Variants in POF1B observed in about 807,000 individuals in gnomAD.
POF1B encodes POF1B actin binding protein.
POF1B carries 53 observed loss-of-function variants against 55.3 expected under a neutral mutation model. The observed-to-expected ratio is 0.96, with a 90% confidence interval of 0.77 to 1.20. The LOEUF is 1.20. Ranked by LOEUF, POF1B falls within the 50% of genes most tolerant of loss-of-function variation. The pLI, the probability that POF1B is intolerant of heterozygous loss-of-function variation, is 0.00. For missense variants in POF1B, 478 were observed against 420.5 expected (o/e 1.14, Z -1.20); for synonymous variants, 188 against 148.3 (o/e 1.27, Z -1.95).
At chrX:85,379,517 A>G in intron 1 of POF1B, 22 bp from the exon 2 acceptor site, 5 of 1,131,371 alleles carry the variant, frequency 4.4e-6, no homozygotes, top group Non-Finnish European at 5.9e-6. Context: ...ACAGAGAAAT[A>G]TAATGGAAAA....
rs753547736 is a variant in POF1B, at chrX:85,331,056, A to G, written c.747T>C (p.Pro249=). The change falls in exon 7 of 17, where the codon CCT becomes CCC. Residue 249 remains proline, a synonymous_variant. Transcript: ENST00000262753. ...CEQVIIQDDG[P]EKLDPRYFGE... ...CAAAATATCTGGGGTCCAATTTTTC[A>G]GGGCCATCATCCTGAATTATCACCT... The G allele has an allele frequency of 9.1e-6, 11 of 1,204,714 alleles. No individual in the cohort carries two copies. Among genetic ancestry groups the G allele is most frequent in the Non-Finnish European group, 1.1e-5 (10 of 892,564 alleles).
At chrX:85,358,374 G>T (rs185265585) in intron 4 of POF1B, among the ~76,000 whole-genome samples, 1 of 111,205 alleles carries the variant, frequency 9.0e-6, no homozygotes, top group South Asian at 3.7e-4. Flanking sequence ...TCCTTGAGAA[G>T]AGCTGTATGC....
intron 15 of POF1B, among the ~76,000 whole-genome samples, chrX:85,287,994 G>A (rs761699629): frequency 5.1e-4 from 57 of 111,334 alleles, no homozygotes; most frequent in Admixed American, 7.7e-4. Context: ...ACTTATGTTC[G>A]GGTTTGGGAT....
chrX:85,323,073 G>T (rs1422056706), intron 7 of POF1B, among the ~76,000 whole-genome samples: 3 of 110,962 alleles, frequency 2.7e-5, no homozygotes, highest in Non-Finnish European at 5.7e-5. Flanking sequence ...AATACCACTT[G>T]ACCCAGCCAT....
At chrX:85,355,506 T>A (rs903084598) in intron 4 of POF1B, among the ~76,000 whole-genome samples, 4 of 111,334 alleles carry the variant, frequency 3.6e-5, no homozygotes, top group African/African-American at 1.3e-4. Context: ...GAAACTACCA[T>A]CAGAGTGAAA....
chrX:85,328,295 C>T (rs1407477576), intron 7 of POF1B, among the ~76,000 whole-genome samples: 3 of 108,452 alleles, frequency 2.8e-5, no homozygotes, highest in African/African-American at 1.0e-4. Flanking sequence ...AGCTCCGCCT[C>T]CCGGGTTCAC....
At chrX:85,299,908 G>A (rs1334491126) in intron 15 of POF1B, among the ~76,000 whole-genome samples, 1 of 112,637 alleles carries the variant, frequency 8.9e-6, no homozygotes, top group African/African-American at 3.2e-5. Context: ...AATTGTCATT[G>A]TTTGATTTGT....
At position 85,278,221 on chromosome X, in the gene POF1B, G is replaced by A. The variant is rs1197186724; in HGVS notation, c.*1200C>T. 1 of 110,629 alleles carries A rather than the reference G, an allele frequency of 9.0e-6. No individual in the cohort carries two copies. 9.1% of individuals were successfully genotyped at this position (110,629 alleles called of 1,213,427 possible). Reference sequence around the variant, plus strand: ...GTTCTTAATGGTGTCTTAGTATAATGCATAATTATTAGAATATAATTATAA... The same window carrying A: ...GTTCTTAATGGTGTCTTAGTATAATACATAATTATTAGAATATAATTATAA... On this transcript the variant is annotated 3_prime_UTR_variant, in exon 17 of 17. Coordinates refer to ENST00000262753, the MANE Select transcript of POF1B (RefSeq NM_024921.4).
Position 85,306,284 on chromosome X carries a change from T to G in POF1B, c.1214A>C (p.Asn405Thr), listed in dbSNP as rs1294407813. Residue 405 changes from asparagine to threonine, a missense_variant, in exon 12 of 17, where the codon AAT becomes ACT. By Grantham distance (65) the Asn-to-Thr change is moderately conservative. Coordinates refer to ENST00000262753, the MANE Select transcript of POF1B (RefSeq NM_024921.4). ...TGATAGTGTATGTCGAAGAGAGAGATTGTTTTCTTCCAATGCCTGGCATTT... is the reference window on the plus strand; with the variant it reads ...TGATAGTGTATGTCGAAGAGAGAGAGTGTTTTCTTCCAATGCCTGGCATTT... ...SSKCQALEEN[N>T]LSLRHTLSDM... 8.3e-7 allele frequency: 1 copy of G among 1,209,284 alleles called. No individual in the cohort carries two copies.
At chrX:85,369,398 TATAAACATTTATATAG>T (rs1482752132) in intron 2 of POF1B, among the ~76,000 whole-genome samples, 20 of 111,325 alleles carry the variant, frequency 1.8e-4, no homozygotes, top group Admixed American at 9.6e-5. Flanking sequence ...ACATTCTTAA[TATAAACATTTATATAG>T]ATAAGGTTAA....
At chrX:85,283,606 C>A (rs1314918364) in intron 15 of POF1B, among the ~76,000 whole-genome samples, 1 of 109,816 alleles carries the variant, frequency 9.1e-6, no homozygotes, top group Admixed American at 9.8e-5. Flanking sequence ...TAATTAAAGT[C>A]CTGCAGGATT....
At chrX:85,329,630 G>GTTT (rs757217839) in intron 7 of POF1B, among the ~76,000 whole-genome samples, 1 of 93,749 alleles carries the variant, frequency 1.1e-5, no homozygotes, top group African/African-American at 4.5e-5. Flanking sequence ...GGTGGTGGTC[G>GTTT]TTTTTTTTTT....
chrX:85,277,701 CACTT>C lies in POF1B; in HGVS notation c.*1716_*1719del, dbSNP rs1048725314. ...ATGTTTGTCTGTTTCTGGCTTATGT[CACTT>C]AATATAGTGACCTCTAGTTCCATCC... On this transcript the variant is annotated 3_prime_UTR_variant, in exon 17 of 17. Coordinates refer to ENST00000262753, the MANE Select transcript of POF1B (RefSeq NM_024921.4). 1.8e-5 allele frequency: 2 copies of C among 110,459 alleles called. No homozygotes were observed. The highest frequency in any genetic ancestry group is 6.6e-5 in the African/African-American group (2 of 30,490). The allele number at this position is 110,459 out of a possible 1,213,427, so 9.1% of individuals were successfully genotyped here.
At chrX:85,369,191 A>G (rs1027895297) in intron 2 of POF1B, among the ~76,000 whole-genome samples, 3 of 111,693 alleles carry the variant, frequency 2.7e-5, no homozygotes, top group Non-Finnish European at 3.8e-5. Flanking sequence ...TTTTCTGCTA[A>G]TAATTGAGAA....
At chrX:85,322,494 C>G (rs776406133) in intron 7 of POF1B, among the ~76,000 whole-genome samples, 160 of 111,569 alleles carry the variant, frequency 1.4e-3, no homozygotes, top group African/African-American at 4.9e-3. Flanking sequence ...AAAAACCCTA[C>G]AAGAAAACCT....
At chrX:85,314,345 G>A in intron 9 of POF1B, 87 bp downstream of exon 9, 3 of 662,314 alleles carry the variant, frequency 4.5e-6, no homozygotes, top group Non-Finnish European at 6.5e-6. Context: ...TTTTAATTTG[G>A]GACTTTCTGT....
chrX:85,329,418 T>C (rs1407194416), intron 7 of POF1B, among the ~76,000 whole-genome samples: 1 of 110,895 alleles, frequency 9.0e-6, no homozygotes, highest in Non-Finnish European at 1.9e-5. Flanking sequence ...TGGCACCGGT[T>C]CAAATAAATG....
intron 3 of POF1B, among the ~76,000 whole-genome samples, chrX:85,367,124 C>T (rs1188362900): frequency 9.0e-6 from 1 of 110,837 alleles, no homozygotes; most frequent in Non-Finnish European, 1.9e-5. Flanking sequence ...TTTCTTTCTT[C>T]GAATTTACTT....
chrX:85,305,540 A>G (rs1320843312), intron 13 of POF1B, among the ~76,000 whole-genome samples: 5 of 111,613 alleles, frequency 4.5e-5, no homozygotes, highest in Non-Finnish European at 7.6e-5. Flanking sequence ...TAAATTAATA[A>G]AAACCAAAAC....
Sources: allele counts gnomAD v4.1 joint callset (sites outside exome capture counted in the v4.1 genomes callset), GRCh38; gene constraint gnomAD v4.1.1; transcripts MANE v1.5; gene names NCBI Gene and HGNC (gene_info 2026-07-23, HGNC 2026-07-21).